The following ASB5 variants were observed in gnomAD, a reference collection of about 807,000 sequenced individuals.
ASB5 encodes the protein ankyrin repeat and SOCS box protein 5.
Under a neutral mutation model 42.1 loss-of-function variants are expected in ASB5, and 45 were observed. The ratio of observed to expected loss-of-function variants is 1.07; its 90% CI spans 0.84 to 1.37. The LOEUF is 1.37. Ranked by LOEUF, ASB5 falls within the 40% of genes most tolerant of loss-of-function variation. The probability of loss-of-function intolerance (pLI) is 0.00; values close to 1 mark genes in which losing one functional copy is unlikely to be tolerated. For missense variants in ASB5, 402 were observed against 399.8 expected (o/e 1.01, Z -0.05); for synonymous variants, 147 against 150.6 (o/e 0.98, Z 0.18).
chr4:176,215,799 T>G, intron 6 of ASB5, 72 bp from the exon 7 acceptor site: 1 of 1,421,234 alleles, frequency 7.0e-7, no homozygotes, highest in Non-Finnish European at 9.5e-7. Context: ...GTACATAACA[T>G]AAAACCATAA....
At chr4:176,261,171 T>C (rs1363016054) in intron 1 of ASB5, among the ~76,000 whole-genome samples, 4 of 152,186 alleles carry the variant, frequency 2.6e-5, no homozygotes, top group Non-Finnish European at 5.9e-5. Flanking sequence ...ATTGCTAAAA[T>C]TGTTGCCCAA....
intron 1 of ASB5, among the ~76,000 whole-genome samples, chr4:176,259,459 G>A (rs753445165): frequency 6.6e-6 from 1 of 152,152 alleles, no homozygotes; most frequent in Non-Finnish European, 1.5e-5. Context: ...AGATGTATTT[G>A]GTTGCTACTG....
chr4:176,233,999 A>G (rs1289652725), intron 1 of ASB5, among the ~76,000 whole-genome samples: 1 of 152,174 alleles, frequency 6.6e-6, no homozygotes, highest in Non-Finnish European at 1.5e-5. Context: ...CACACCAGGA[A>G]GTCATTTTGC....
intron 1 of ASB5, among the ~76,000 whole-genome samples, chr4:176,235,688 C>G (rs1753667396): frequency 6.6e-6 from 1 of 152,028 alleles, no homozygotes; most frequent in African/African-American, 2.4e-5. Context: ...AATTTTGACA[C>G]ATACCATCAA....
rs544051847 is a variant in ASB5 at position 176,254,899 on chromosome 4, A to G, written c.196+14014T>C. 3.3e-5 allele frequency among the ~76,000 whole-genome samples: 5 copies of G among 152,324 alleles called. No individual in the cohort carries two copies. The East Asian group carries it at 5.8e-4, about 18-fold the overall frequency. On this transcript the variant is annotated intron_variant, in intron 1 of 6. Coordinates refer to ENST00000296525, the MANE Select transcript of ASB5 (RefSeq NM_080874.4). ...GTAATCCCAGCACTTTGGGAGGCCG[A>G]GGCGAGTGGATCACGAGGTCAGGCG...
rs750919981 is a variant in ASB5 at position 176,224,693 on chromosome 4, T to A, written c.276+569A>T. The stretch of plus-strand genomic sequence containing the variant: ...AGCCTAGCTGTGCATTTGAATTACA[T>A]CAGAAGCTTCAAAAAAAAAAATACC... On this transcript the variant is annotated intron_variant, in intron 2 of 6. Transcript: ENST00000296525. Among the ~76,000 whole-genome samples the A allele has an allele frequency of 2.2e-4, 18 of 82,768 alleles. 1 individual carries two copies. Among genetic ancestry groups the A allele is most frequent in the South Asian group, 1.0e-3 (3 of 2,904 alleles). 54.3% of individuals were successfully genotyped at this position (82,768 alleles called of 152,430 possible). A position where few individuals can be genotyped will look rare whatever the true frequency, so the allele number is the denominator to read the frequency against.
intron 1 of ASB5, among the ~76,000 whole-genome samples, chr4:176,237,813 C>A (rs917327860): frequency 1.3e-5 from 2 of 152,216 alleles, no homozygotes; most frequent in Admixed American, 1.3e-4. Context: ...ACAAATCAAT[C>A]AAATGTAAAA....
chr4:176,249,618 CAG>C (rs1553963104), intron 1 of ASB5: 1 of 152,094 alleles, frequency 6.6e-6, no homozygotes, highest in Non-Finnish European at 1.5e-5. Context: ...TGAGAAGTAA[CAG>C]GGCATCCGAG....
At chr4:176,222,570 G>A (rs1236143703) in intron 2 of ASB5, 150 bp from the exon 3 acceptor site, 30 of 707,390 alleles carry the variant, frequency 4.2e-5, no homozygotes, top group Non-Finnish European at 6.4e-5. Flanking sequence ...CAGTTCAAAT[G>A]CCATAGGGTC....
At chr4:176,217,093 G>T in intron 5 of ASB5, 84 bp from the exon 6 acceptor site, 1 of 1,163,240 alleles carries the variant, frequency 8.6e-7, no homozygotes. Flanking sequence ...AAAAGGAAAG[G>T]CAATAGAGGA....
chr4:176,221,398 G>A (rs1181119202), intron 4 of ASB5, 52 bp downstream of exon 4: 5 of 1,602,068 alleles, frequency 3.1e-6, no homozygotes, highest in East Asian at 4.5e-5. Context: ...GAGCACTGCA[G>A]GTTGCTAAAG....
At chr4:176,255,134 GAAAC>G (rs888781834) in intron 1 of ASB5, among the ~76,000 whole-genome samples, 1 of 151,888 alleles carries the variant, frequency 6.6e-6, no homozygotes, top group Non-Finnish European at 1.5e-5. Context: ...CATCTTCAAA[GAAAC>G]AAACAAACAA....
At chr4:176,222,447 G>C in intron 2 of ASB5, 27 bp from the exon 3 acceptor site, 1 of 1,562,046 alleles carries the variant, frequency 6.4e-7, no homozygotes, top group Non-Finnish European at 8.8e-7. Context: ...TTTGAAAGGT[G>C]AGCAAAGAGT....
intron 1 of ASB5, among the ~76,000 whole-genome samples, chr4:176,257,144 T>A (rs1754172372): frequency 6.6e-6 from 1 of 152,184 alleles, no homozygotes; most frequent in Admixed American, 6.6e-5. Flanking sequence ...GACGTTACTA[T>A]CTGGTGCTTT....
chr4:176,269,955 C>T (rs963761527), upstream of ASB5, among the ~76,000 whole-genome samples: 2 of 152,190 alleles, frequency 1.3e-5, no homozygotes, highest in Non-Finnish European at 2.9e-5. Context: ...ATCAAGTAAA[C>T]ATACGCATTT....
intron 1 of ASB5, among the ~76,000 whole-genome samples, chr4:176,268,235 G>T (rs755118276): frequency 6.6e-6 from 1 of 152,120 alleles, no homozygotes; most frequent in Non-Finnish European, 1.5e-5. Flanking sequence ...TTTCTCATTT[G>T]GTTTCATACT....
chr4:176,236,218 G>A (rs2126959180), intron 1 of ASB5, among the ~76,000 whole-genome samples: 1 of 151,582 alleles, frequency 6.6e-6, no homozygotes, highest in Admixed American at 6.6e-5. Flanking sequence ...TGTTGCTAAT[G>A]CCTGCGGTTT....
intron 1 of ASB5, among the ~76,000 whole-genome samples, chr4:176,248,998 G>C (rs532253790): frequency 2.0e-5 from 3 of 152,176 alleles, no homozygotes; most frequent in African/African-American, 2.4e-5. Flanking sequence ...ACAGAGTCTT[G>C]TTCTGTCGCC....
In ASB5 at chr4:176,214,366, C is replaced by T. The variant is rs965697946; in HGVS notation, c.*1234G>A. The T allele has an allele frequency of 6.6e-6, 1 of 152,048 alleles. No homozygotes were observed. Among genetic ancestry groups the T allele is most frequent in the Non-Finnish European group, 1.5e-5 (1 of 67,978 alleles). The allele number at this position is 152,048 out of a possible 1,614,324, so 9.4% of individuals were successfully genotyped here. A position where few individuals can be genotyped will look rare whatever the true frequency, so the allele number is the denominator to read the frequency against. ...TTACAAAGAGTTGTACGTTGATTATCTTATTTCTAAAATCATAATAGGCCC... is the reference window on the plus strand; with the variant it reads ...TTACAAAGAGTTGTACGTTGATTATTTTATTTCTAAAATCATAATAGGCCC... On this transcript the variant is annotated 3_prime_UTR_variant, in exon 7 of 7. Transcript: ENST00000296525.
Sources: gnomAD v4.1 joint callset for allele counts (sites outside exome capture counted in the v4.1 genomes callset) on GRCh38, gnomAD v4.1.1 for gene constraint, MANE v1.5 for transcripts, NCBI Gene and HGNC (gene_info 2026-07-23, HGNC 2026-07-21) for gene names.